RIMS2: variants seen among roughly 807,000 people sequenced by gnomAD.
The protein encoded by RIMS2 is regulating synaptic membrane exocytosis 2, also known as regulating synaptic membrane exocytosis protein 2.
Under a neutral mutation model 174.4 loss-of-function variants are expected in RIMS2, and 59 were observed. That is an observed-to-expected ratio of 0.34 (90% CI 0.27 to 0.42). The LOEUF (loss-of-function observed/expected upper bound fraction) is 0.42, where lower values mean the gene tolerates loss of function less well. Ranked by LOEUF, RIMS2 falls within the 10% of genes least tolerant of loss-of-function variation. RIMS2 has a pLI of 1.00. For missense variants in RIMS2, 1,620 were observed against 1,666.3 expected, an observed-to-expected ratio of 0.97 and a Z score of 0.48; for synonymous variants, 606 against 572.5, an observed-to-expected ratio of 1.06 and a Z score of -0.84.
intron 2 of RIMS2, among the ~76,000 whole-genome samples, chr8:103,717,403 C>T (rs16870656): frequency 0.12 from 18,857 of 151,636 alleles, 1,272 homozygotes; most frequent in Middle Eastern, 0.23. Context: ...CCAGACTGTG[C>T]GTCATCCTTG....
chr8:103,625,722 G>T (rs1449460754), intron 1 of RIMS2, among the ~76,000 whole-genome samples: 1 of 152,050 alleles, frequency 6.6e-6, no homozygotes, highest in East Asian at 1.9e-4. Flanking sequence ...ACATTTAACA[G>T]AAATTTATTG....
chr8:103,887,609 C>T (rs1408557377), intron 4 of RIMS2, among the ~76,000 whole-genome samples: 1 of 151,386 alleles, frequency 6.6e-6, no homozygotes, highest in Non-Finnish European at 1.5e-5. Context: ...CCTCCTACCC[C>T]CAATTTCCTT....
chr8:103,847,936 T>C (rs2098976279), intron 3 of RIMS2, among the ~76,000 whole-genome samples: 1 of 152,042 alleles, frequency 6.6e-6, no homozygotes, highest in Middle Eastern at 3.4e-3. Flanking sequence ...GATGAATTCA[T>C]TGGTTTTCTT....
At chr8:103,689,605 T>A (rs967682708) in intron 1 of RIMS2, among the ~76,000 whole-genome samples, 4 of 152,212 alleles carry the variant, frequency 2.6e-5, no homozygotes. Flanking sequence ...TATCATTACA[T>A]AATGACCTTC....
At chr8:103,876,439 T>G (rs1182978261) in intron 3 of RIMS2, among the ~76,000 whole-genome samples, 1 of 151,784 alleles carries the variant, frequency 6.6e-6, no homozygotes, top group Admixed American at 6.6e-5. Context: ...TAGGGTCGTC[T>G]GATTTTTTTA....
intron 19 of RIMS2, among the ~76,000 whole-genome samples, chr8:104,206,017 A>G (rs918819690): frequency 1.3e-5 from 2 of 152,168 alleles, no homozygotes; most frequent in Admixed American, 6.5e-5. Flanking sequence ...TGGCCTCCCA[A>G]AGTGTTGGGA....
At chr8:103,591,926 T>C (rs888286588) in intron 1 of RIMS2, among the ~76,000 whole-genome samples, 1 of 151,192 alleles carries the variant, frequency 6.6e-6, no homozygotes, top group African/African-American at 2.4e-5. Context: ...AGCTAGTCAA[T>C]TATTACAAAA....
chr8:103,831,789 AT>A (rs1466669975), intron 3 of RIMS2, among the ~76,000 whole-genome samples: 1 of 152,224 alleles, frequency 6.6e-6, no homozygotes, highest in Non-Finnish European at 1.5e-5. Context: ...ACCAGTGATT[AT>A]TCTTTTGCTG....
intron 19 of RIMS2, among the ~76,000 whole-genome samples, chr8:104,032,190 G>C (rs1211938889): frequency 3.3e-5 from 5 of 151,916 alleles, no homozygotes; most frequent in Non-Finnish European, 5.9e-5. Flanking sequence ...AATTGCAAAT[G>C]CTATTGAGAT....
chr8:103,734,385 G>T (rs1435403984), intron 2 of RIMS2, among the ~76,000 whole-genome samples: 3 of 123,040 alleles, frequency 2.4e-5, no homozygotes, highest in African/African-American at 9.3e-5. Flanking sequence ...TTCAACTTTT[G>T]TACATCTGAA....
intron 1 of RIMS2, among the ~76,000 whole-genome samples, chr8:103,516,153 G>A (rs1216414995): frequency 6.6e-6 from 1 of 152,072 alleles, no homozygotes; most frequent in Non-Finnish European, 1.5e-5. Flanking sequence ...TAAACTTGCA[G>A]ACATTTTAAA....
In RIMS2 at chr8:103,650,590, G is replaced by A. The variant is rs185655426; in HGVS notation, c.177-46496G>A. Among the ~76,000 whole-genome samples the A allele has an allele frequency of 7.2e-5, 11 of 152,348 alleles. No homozygotes were observed. The East Asian group carries it at 1.4e-3, about 19-fold the overall frequency. On this transcript the variant is annotated intron_variant, in intron 1 of 23. Transcript: ENST00000504942. ...CCTGAGAAAGATCAAAGCTCTGTCC[G>A]GAGAATCCTTGCTGGAGTGGGTGAA...
chr8:103,819,584 A>C, intron 3 of RIMS2: 1 of 1,613,628 alleles, frequency 6.2e-7, no homozygotes, highest in Non-Finnish European at 8.5e-7. Flanking sequence ...TCCCCACCAA[A>C]TATCTTACAA....
intron 1 of RIMS2, among the ~76,000 whole-genome samples, chr8:103,518,990 A>G (rs1315295564): frequency 6.6e-6 from 1 of 152,112 alleles, no homozygotes; most frequent in Non-Finnish European, 1.5e-5. Context: ...ATAAAATTCA[A>G]ACTCCTTTTG....
intron 19 of RIMS2, among the ~76,000 whole-genome samples, chr8:104,110,708 G>GT (rs2098165966): frequency 6.6e-6 from 1 of 152,100 alleles, no homozygotes; most frequent in Non-Finnish European, 1.5e-5. Flanking sequence ...CTTTTCAAGT[G>GT]TATTTTCAGA....
At chr8:104,069,136 A>G (rs4620251) in intron 19 of RIMS2, among the ~76,000 whole-genome samples, 39,027 of 152,118 alleles carry the variant, frequency 0.26, 5,344 homozygotes, top group South Asian at 0.36. Context: ...TCAATAAATT[A>G]CATGAGCTAT....
chr8:104,056,198 A>G (rs1230627264), intron 19 of RIMS2, among the ~76,000 whole-genome samples: 2 of 152,028 alleles, frequency 1.3e-5, no homozygotes, highest in African/African-American at 2.4e-5. Flanking sequence ...AGGTCAGGAG[A>G]TCAAGACCAT....
chr8:103,529,667 G>A (rs1024143573), intron 1 of RIMS2, among the ~76,000 whole-genome samples: 8 of 152,188 alleles, frequency 5.3e-5, no homozygotes, highest in Admixed American at 3.9e-4. Context: ...CCAGTGAGAT[G>A]AACCCGGTAC....
intron 19 of RIMS2, among the ~76,000 whole-genome samples, chr8:104,143,094 T>G (rs910152406): frequency 6.6e-6 from 1 of 152,226 alleles, no homozygotes; most frequent in Non-Finnish European, 1.5e-5. Context: ...TGCAGCCTTA[T>G]TTGCGTTTTA....
Sources: gnomAD v4.1 joint callset for allele counts (sites outside exome capture counted in the v4.1 genomes callset) on GRCh38, gnomAD v4.1.1 for gene constraint, MANE v1.5 for transcripts, NCBI Gene and HGNC (gene_info 2026-07-23, HGNC 2026-07-21) for gene names.